Variants in ZNF638 observed in about 807,000 individuals in gnomAD.
ZNF638 encodes the protein zinc finger protein 638, also known as CTCL tumor antigen se33-1.
ZNF638 carries 46 observed loss-of-function variants against 195.6 expected under a neutral mutation model. The ratio of observed to expected loss-of-function variants is 0.24; its 90% CI spans 0.19 to 0.30. ZNF638 has a LOEUF of 0.30. Ranked by LOEUF, ZNF638 falls within the 10% of genes least tolerant of loss-of-function variation. The pLI is 1.00. For missense variants in ZNF638, 2,440 were observed against 2,325.3 expected (o/e 1.05, Z -1.01); for synonymous variants, 845 against 772.0 (o/e 1.09, Z -1.57).
chr2:71,403,909 G>T lies in ZNF638; in HGVS notation c.2869G>T (p.Val957Leu). 6.2e-7 allele frequency: 1 copy of T among 1,604,316 alleles called. No individual in the cohort carries two copies. Among genetic ancestry groups the T allele is most frequent in the African/African-American group, 1.3e-5 (1 of 74,764 alleles). The change falls in exon 17 of 28, where the codon GTA (valine) becomes TTA (leucine). Residue 957 changes from valine to leucine, a missense_variant. Transcript: ENST00000264447. ...AAATAGAAAAGCTGCTGAGTCTATGGTAAAATTTTATACCTGCTTCCCAGT... is the reference window on the plus strand; with the variant it reads ...AAATAGAAAAGCTGCTGAGTCTATGTTAAAATTTTATACCTGCTTCCCAGT... ...EINRKAAESMVKFYTCFPVLM... is the reference protein window; with the variant it reads ...EINRKAAESMLKFYTCFPVLM...
intron 1 of ZNF638, among the ~76,000 whole-genome samples, chr2:71,346,529 TA>T (rs2078853121): frequency 2.6e-5 from 4 of 152,200 alleles, no homozygotes; most frequent in Non-Finnish European, 5.9e-5. Context: ...TGCATGTTAC[TA>T]ATGAGTACTT....
intron 25 of ZNF638, 179 bp from the exon 26 acceptor site, chr2:71,431,148 A>T (rs935940829): frequency 3.6e-6 from 2 of 558,664 alleles, no homozygotes; most frequent in African/African-American, 3.8e-5. Flanking sequence ...ATTTGAATGG[A>T]TTTACCCATT....
intron 8 of ZNF638, among the ~76,000 whole-genome samples, chr2:71,373,224 A>G (rs2013708): frequency 0.74 from 112,993 of 151,942 alleles, 42,571 homozygotes; most frequent in Admixed American, 0.77. Flanking sequence ...TTATTCATTA[A>G]CTTCATCTTT....
At chr2:71,429,620 C>T in intron 25 of ZNF638, among the ~76,000 whole-genome samples, 1 of 152,098 alleles carries the variant, frequency 6.6e-6, no homozygotes. Flanking sequence ...TTTCTACTTG[C>T]TTTTAGAGCA....
At chr2:71,379,584 AAGG>A (rs1218243397) in intron 8 of ZNF638, 1 of 152,206 alleles carries the variant, frequency 6.6e-6, no homozygotes, top group African/African-American at 2.4e-5. Context: ...TGCCAAAGAG[AAGG>A]GGAAAAATGT....
intron 1 of ZNF638, among the ~76,000 whole-genome samples, chr2:71,346,085 T>C (rs1464773374): frequency 1.3e-5 from 2 of 152,244 alleles, no homozygotes; most frequent in Non-Finnish European, 2.9e-5. Context: ...ATGATACTTA[T>C]TCACAATTCC....
chr2:71,385,959 C>T (rs2079629001), intron 10 of ZNF638, among the ~76,000 whole-genome samples: 1 of 151,642 alleles, frequency 6.6e-6, no homozygotes, highest in Admixed American at 6.6e-5. Flanking sequence ...AAGAGAGGGT[C>T]GTATTGGAAG....
At chr2:71,403,231 C>A (rs972934410) in intron 16 of ZNF638, among the ~76,000 whole-genome samples, 10 of 152,002 alleles carry the variant, frequency 6.6e-5, no homozygotes, top group Non-Finnish European at 1.3e-4. Context: ...AACATTAAAA[C>A]TACAATAAAT....
At chr2:71,350,995 A>G (rs181316496) in intron 2 of ZNF638, among the ~76,000 whole-genome samples, 99 of 152,352 alleles carry the variant, frequency 6.5e-4, no homozygotes, top group Middle Eastern at 3.4e-3. Context: ...TGTAGAACAT[A>G]CTGTTCAGTC....
intron 20 of ZNF638, among the ~76,000 whole-genome samples, chr2:71,409,876 G>A (rs887487283): frequency 6.6e-6 from 1 of 151,980 alleles, no homozygotes; most frequent in African/African-American, 2.4e-5. Context: ...ATTCTGTCAC[G>A]TCACAGGTGG....
chr2:71,421,177 G>A (rs566663014), intron 21 of ZNF638, among the ~76,000 whole-genome samples: 1 of 152,064 alleles, frequency 6.6e-6, no homozygotes, highest in Non-Finnish European at 1.5e-5. Context: ...CTTCATTATT[G>A]GAAATGAGTC....
At chr2:71,347,344 G>A (rs1316435835) in intron 1 of ZNF638, among the ~76,000 whole-genome samples, 2 of 152,214 alleles carry the variant, frequency 1.3e-5, no homozygotes, top group East Asian at 3.9e-4. Flanking sequence ...TTTTGCAAAG[G>A]TTAAATGTGG....
intron 3 of ZNF638, among the ~76,000 whole-genome samples, chr2:71,359,348 A>G (rs996265698): frequency 2.0e-5 from 3 of 152,228 alleles, no homozygotes; most frequent in Admixed American, 6.5e-5. Context: ...TGCAAGTTGC[A>G]TAAGACTTGG....
At chr2:71,389,963 A>G (rs2104391496) in intron 10 of ZNF638, among the ~76,000 whole-genome samples, 1 of 152,330 alleles carries the variant, frequency 6.6e-6, no homozygotes, top group East Asian at 1.9e-4. Flanking sequence ...AAGCCAAAAT[A>G]TTGGCCATGG....
intron 11 of ZNF638, among the ~76,000 whole-genome samples, chr2:71,396,771 C>T (rs1573115564): frequency 6.6e-6 from 1 of 152,164 alleles, no homozygotes; most frequent in East Asian, 1.9e-4. Context: ...AGGTGAAATT[C>T]TGTCTCTACT....
chr2:71,384,563 T>C (rs1432852349), intron 10 of ZNF638, among the ~76,000 whole-genome samples: 1 of 152,174 alleles, frequency 6.6e-6, no homozygotes, highest in East Asian at 1.9e-4. Context: ...AGTAAGCACT[T>C]AATAGGTCGC....
At position 71,395,180 on chromosome 2, in the gene ZNF638, C is replaced by T. The variant is rs1056982604; in HGVS notation, c.2378-961C>T. On this transcript the variant is annotated intron_variant, in intron 10 of 27. Coordinates refer to ENST00000264447, the MANE Select transcript of ZNF638 (RefSeq NM_014497.5). ...AACATCTCTCCTGGATAGACCCTCA[C>T]TCCTTGATTGGAAAAAAATATTACT... 4 of 715,834 alleles carry T rather than the reference C, an allele frequency of 5.6e-6. No individual in the cohort carries two copies. The African/African-American group carries it at 7.0e-5, about 13-fold the overall frequency. 44.3% of individuals were successfully genotyped at this position (715,834 alleles called of 1,614,324 possible). A position where few individuals can be genotyped will look rare whatever the true frequency, so the allele number is the denominator to read the frequency against.
intron 25 of ZNF638, 172 bp from the exon 26 acceptor site, chr2:71,431,155 C>T (rs894335645): frequency 1.1e-5 from 6 of 567,900 alleles, no homozygotes; most frequent in Non-Finnish European, 1.6e-5. Flanking sequence ...TGGATTTACC[C>T]ATTTATTCCT....
intron 10 of ZNF638, among the ~76,000 whole-genome samples, chr2:71,381,333 C>G (rs1387220053): frequency 6.6e-6 from 1 of 151,950 alleles, no homozygotes; most frequent in Non-Finnish European, 1.5e-5. Context: ...CTAAGTTTTA[C>G]TAGTGAGGTG....
Sources: gnomAD v4.1 joint callset for allele counts (sites outside exome capture counted in the v4.1 genomes callset) on GRCh38, gnomAD v4.1.1 for gene constraint, MANE v1.5 for transcripts, NCBI Gene and HGNC (gene_info 2026-07-23, HGNC 2026-07-21) for gene names.